The following GPC5 variants were observed in gnomAD, a reference collection of about 807,000 sequenced individuals.
The protein encoded by GPC5 is glypican-5.
A neutral mutation model predicts 53.9 loss-of-function variants in GPC5; 47 were observed. The ratio of observed to expected loss-of-function variants is 0.87; its 90% CI spans 0.69 to 1.11. The LOEUF is 1.11. Ranked by LOEUF, GPC5 falls within the 50% of genes most tolerant of loss-of-function variation. GPC5 has a pLI of 0.00. For missense variants in GPC5, 748 were observed against 713.1 expected (o/e 1.05, Z -0.56); for synonymous variants, 286 against 263.3 (o/e 1.09, Z -0.84).
At chr13:91,788,084 T>G (rs1422373550) in intron 5 of GPC5, among the ~76,000 whole-genome samples, 1 of 152,216 alleles carries the variant, frequency 6.6e-6, no homozygotes, top group Non-Finnish European at 1.5e-5. Flanking sequence ...CTTCTTGGCC[T>G]GCTATAACAA....
At chr13:91,456,480 G>A (rs1488923246) in intron 2 of GPC5, among the ~76,000 whole-genome samples, 1 of 151,790 alleles carries the variant, frequency 6.6e-6, no homozygotes, top group African/African-American at 2.4e-5. Context: ...AATCTGCAAA[G>A]TTAATAATTT....
At chr13:91,939,750 A>C (rs2039907362) in intron 6 of GPC5, among the ~76,000 whole-genome samples, 2 of 152,172 alleles carry the variant, frequency 1.3e-5, no homozygotes, top group South Asian at 4.1e-4. Flanking sequence ...GAGAGGATGA[A>C]GTCATCAAGC....
chr13:92,040,175 G>T (rs932853727), intron 6 of GPC5, among the ~76,000 whole-genome samples: 5 of 152,068 alleles, frequency 3.3e-5, no homozygotes, highest in Non-Finnish European at 7.4e-5. Context: ...ATTGATGGGG[G>T]AAAAAAATCA....
chr13:92,850,272 A>T (rs764050511), intron 7 of GPC5, among the ~76,000 whole-genome samples: 1 of 152,166 alleles, frequency 6.6e-6, no homozygotes, highest in Non-Finnish European at 1.5e-5. Context: ...GAAAGCAGAG[A>T]ACCAACTCAA....
chr13:92,679,006 G>T (rs1023025405), intron 7 of GPC5, among the ~76,000 whole-genome samples: 1 of 152,120 alleles, frequency 6.6e-6, no homozygotes, highest in East Asian at 1.9e-4. Context: ...TGGAAAAGGT[G>T]GGGGGAAATG....
intron 7 of GPC5, among the ~76,000 whole-genome samples, chr13:92,492,650 G>T (rs1879811308): frequency 6.6e-6 from 1 of 152,014 alleles, no homozygotes; most frequent in South Asian, 2.1e-4. Context: ...GATATTATAA[G>T]CAAAAAAGTA....
At chr13:91,461,271 T>G (rs1191952389) in intron 2 of GPC5, among the ~76,000 whole-genome samples, 1 of 152,176 alleles carries the variant, frequency 6.6e-6, no homozygotes, top group Admixed American at 6.5e-5. Context: ...AGGAAACATA[T>G]TCAATATTAT....
Position 91,798,818 on chromosome 13 carries a change from T to C in GPC5, c.1280+42398T>C, listed in dbSNP as rs1341511108. ...CTGTCTTCCATAATGATTGAACTAA[T>C]TTACACTCCCACCATCAGTGTGAAA... On this transcript the variant is annotated intron_variant, in intron 5 of 7. Coordinates refer to ENST00000377067, the MANE Select transcript of GPC5 (RefSeq NM_004466.6). 2.0e-5 allele frequency among the ~76,000 whole-genome samples: 3 copies of C among 152,176 alleles called. No homozygotes were observed. In the East Asian group the frequency reaches 5.8e-4, roughly 29 times the overall value.
rs549457472 is a variant in GPC5, at chr13:91,473,871, G to A, written c.325+24949G>A. Among the ~76,000 whole-genome samples, 5 of 152,250 alleles carry A rather than the reference G, an allele frequency of 3.3e-5. No homozygotes were observed. In the South Asian group the frequency reaches 1.0e-3, roughly 32 times the overall value. ...CTAAGCTATCAATTTTATAGAGTCT[G>A]TATAATTCTCAACAAGAATGTAGTT... On this transcript the variant is annotated intron_variant, in intron 2 of 7. Coordinates refer to ENST00000377067, the MANE Select transcript of GPC5 (RefSeq NM_004466.6).
At chr13:92,420,854 TG>T (rs1215750319) in intron 7 of GPC5, among the ~76,000 whole-genome samples, 1 of 152,198 alleles carries the variant, frequency 6.6e-6, no homozygotes, top group East Asian at 1.9e-4. Context: ...AGCACTCCAT[TG>T]TATATATGCA....
At chr13:91,820,729 C>T (rs532739003) in intron 5 of GPC5, among the ~76,000 whole-genome samples, 6 of 152,064 alleles carry the variant, frequency 3.9e-5, no homozygotes, top group East Asian at 1.9e-4. Flanking sequence ...TTTGGGAGGC[C>T]GAGGCGGGAG....
At chr13:92,353,088 G>A (rs1336014541) in intron 7 of GPC5, among the ~76,000 whole-genome samples, 3 of 151,194 alleles carry the variant, frequency 2.0e-5, no homozygotes, top group South Asian at 4.2e-4. Context: ...GTGAAACCCC[G>A]TCTCTACTAA....
rs59111582 is a variant in GPC5 at position 91,463,785 on chromosome 13, A to G, written c.325+14863A>G. Among the ~76,000 whole-genome samples the G allele has an allele frequency of 5.4e-3, 822 of 152,260 alleles. 9 individuals carry two copies. The highest frequency in any genetic ancestry group is 0.019 in the African/African-American group (775 of 41,566). ...CAAAAATGAACCCAAAATAGATCATATAGTTTATGTAAAACTGTGAAACTT... is the reference window on the plus strand; with the variant it reads ...CAAAAATGAACCCAAAATAGATCATGTAGTTTATGTAAAACTGTGAAACTT... On this transcript the variant is annotated intron_variant, in intron 2 of 7. Transcript: ENST00000377067.
intron 7 of GPC5, among the ~76,000 whole-genome samples, chr13:92,740,423 A>AT (rs746367294): frequency 3.6e-4 from 54 of 152,080 alleles, no homozygotes; most frequent in Non-Finnish European, 6.9e-4. Context: ...TGGGCTTGGC[A>AT]GATATTTTGT....
chr13:92,723,928 A>C (rs1888569636), intron 7 of GPC5, among the ~76,000 whole-genome samples: 1 of 151,696 alleles, frequency 6.6e-6, no homozygotes, highest in South Asian at 2.1e-4. Flanking sequence ...TTACTCTTTA[A>C]CTGGTAAGAC....
intron 7 of GPC5, among the ~76,000 whole-genome samples, chr13:92,478,544 CTT>C (rs1216416093): frequency 1.3e-5 from 2 of 152,130 alleles, no homozygotes; most frequent in African/African-American, 4.8e-5. Context: ...TTGGTAATAA[CTT>C]AATATCGCAG....
chr13:92,201,126 T>A (rs186006341), intron 7 of GPC5, among the ~76,000 whole-genome samples: 36 of 152,316 alleles, frequency 2.4e-4, no homozygotes, highest in Admixed American at 1.2e-3. Flanking sequence ...ATGGTAAAGA[T>A]CTGATATTGT....
intron 5 of GPC5, 96 bp downstream of exon 5, chr13:91,756,516 A>G (rs2037296576): frequency 9.4e-7 from 1 of 1,063,896 alleles, no homozygotes; most frequent in Non-Finnish European, 1.3e-6. Flanking sequence ...ACTTTGTCAC[A>G]CAGTTTACAG....
chr13:91,553,693 A>G (rs79698886), intron 2 of GPC5, among the ~76,000 whole-genome samples: 3,189 of 152,184 alleles, frequency 0.021, 112 homozygotes, highest in African/African-American at 0.072. Flanking sequence ...ATTTTTACAT[A>G]TTCTTTCATT....
Sources: allele counts gnomAD v4.1 joint callset (sites outside exome capture counted in the v4.1 genomes callset), GRCh38; gene constraint gnomAD v4.1.1; transcripts MANE v1.5; gene names NCBI Gene and HGNC (gene_info 2026-07-23, HGNC 2026-07-21).